CFH: variants seen among roughly 807,000 people sequenced by gnomAD.
The protein encoded by CFH is H factor 1 (complement).
In CFH, 53 loss-of-function variants were observed where a neutral mutation model predicts 147.3. The observed-to-expected ratio is 0.36, with a 90% CI of 0.29 to 0.45. CFH has a LOEUF of 0.45. Among genes scored for constraint, CFH ranks in the 20% least tolerant of loss-of-function variants. The probability of loss-of-function intolerance (pLI) is 1.00; values close to 1 mark genes in which losing one functional copy is unlikely to be tolerated. For synonymous variants in CFH, 536 were observed against 489.4 expected (o/e 1.10, Z -1.26); for missense variants, 1,380 against 1,498.0 (o/e 0.92, Z 1.30).
intron 3 of CFH, among the ~76,000 whole-genome samples, chr1:196,674,384 T>C (rs1180162765): frequency 1.3e-5 from 2 of 152,194 alleles, no homozygotes; most frequent in Non-Finnish European, 2.9e-5. Context: ...CACCTGCTTA[T>C]AAGTTTTACT....
rs577602921 is a variant in CFH at position 196,691,150 on chromosome 1, T to C, written c.1336+911T>C. Among the ~76,000 whole-genome samples the C allele has an allele frequency of 4.3e-4, 65 of 151,996 alleles. 1 individual carries two copies. The highest frequency in any genetic ancestry group is 1.5e-3 in the African/African-American group (62 of 41,358). ...CTAAACAATTTTTTCTCAACTCCTA[T>C]ATCAATATTAATATGTACATTGGAA... On this transcript the variant is annotated intron_variant, in intron 9 of 21. Transcript: ENST00000367429.
chr1:196,705,159 A>C (rs1160674483), intron 9 of CFH, among the ~76,000 whole-genome samples: 1 of 152,150 alleles, frequency 6.6e-6, no homozygotes, highest in African/African-American at 2.4e-5. Flanking sequence ...AGAAGCCAGC[A>C]CAACTATGGC....
At chr1:196,732,958 G>A (rs968038047) in intron 15 of CFH, among the ~76,000 whole-genome samples, 1 of 151,990 alleles carries the variant, frequency 6.6e-6, no homozygotes, top group Non-Finnish European at 1.5e-5. Flanking sequence ...TGCTTGAAAT[G>A]AGTCCATTGT....
chr1:196,682,009 A>G (rs956600617), intron 6 of CFH, among the ~76,000 whole-genome samples: 1 of 151,804 alleles, frequency 6.6e-6, no homozygotes, highest in African/African-American at 2.4e-5. Flanking sequence ...TTAAAGTGAA[A>G]TAATCTACTT....
intron 6 of CFH, among the ~76,000 whole-genome samples, chr1:196,681,263 G>A (rs1265062185): frequency 1.3e-5 from 2 of 151,698 alleles, no homozygotes; most frequent in African/African-American, 4.8e-5. Flanking sequence ...AAGACTCTGG[G>A]AATTTAGTTT....
In CFH at chr1:196,686,212, A is replaced by T. The variant is rs34058609; in HGVS notation, c.964+975A>T. 5.5e-3 allele frequency among the ~76,000 whole-genome samples: 831 copies of T among 152,214 alleles called. 7 individuals carry two copies. The highest frequency in any genetic ancestry group is 0.018 in the African/African-American group (748 of 41,550). ...AATTCAACATGAGATGTGTGTGGGG[A>T]CACAGAGCCAAACCATATCAATTAT... On this transcript the variant is annotated intron_variant, in intron 7 of 21. Transcript: ENST00000367429.
chr1:196,741,147 A>G (rs1002694956), intron 18 of CFH: 2 of 279,900 alleles, frequency 7.1e-6, no homozygotes, highest in Non-Finnish European at 6.9e-6. Flanking sequence ...AATATTTTAA[A>G]AAATCATTAT....
At chr1:196,680,086 C>T (rs192196249) in intron 6 of CFH, among the ~76,000 whole-genome samples, 1 of 151,820 alleles carries the variant, frequency 6.6e-6, no homozygotes, top group East Asian at 1.9e-4. Flanking sequence ...TAATAGACTT[C>T]CTAATTCTCA....
At chr1:196,677,821 A>G in intron 5 of CFH, 154 bp downstream of exon 5, 1 of 698,624 alleles carries the variant, frequency 1.4e-6, no homozygotes, top group South Asian at 1.7e-5. Context: ...AGTTCTTTGC[A>G]TGCATCATTT....
At chr1:196,673,544 G>A (rs1400619166) in intron 2 of CFH, 1 of 382,714 alleles carries the variant, frequency 2.6e-6, no homozygotes, top group Non-Finnish European at 4.9e-6. Context: ...ACCAATGCTG[G>A]GCAGGCTGGT....
chr1:196,693,955 G>GGTGTGTGTGTGTGTGT (rs71567586), intron 9 of CFH, among the ~76,000 whole-genome samples: 112 of 142,754 alleles, frequency 7.8e-4, no homozygotes, highest in African/African-American at 2.5e-3. Context: ...TTAGATAAAT[G>GGTGTGTGTGTGTGTGT]GTGTGTGTGT....
chr1:196,735,330 GTT>G (rs1464053328), intron 15 of CFH, among the ~76,000 whole-genome samples: 5 of 152,024 alleles, frequency 3.3e-5, no homozygotes, highest in African/African-American at 1.2e-4. Context: ...GAAACACTCA[GTT>G]TTTTAATTGC....
intron 11 of CFH, among the ~76,000 whole-genome samples, chr1:196,719,235 C>T (rs1270565444): frequency 6.6e-6 from 1 of 151,976 alleles, no homozygotes; most frequent in African/African-American, 2.4e-5. Context: ...ATAAATACAG[C>T]ATTTGAATAA....
intron 9 of CFH, among the ~76,000 whole-genome samples, chr1:196,704,573 G>A (rs895906215): frequency 7.9e-5 from 12 of 152,192 alleles, no homozygotes; most frequent in African/African-American, 1.9e-4. Flanking sequence ...AGGTTAGTCC[G>A]GAAACATGGG....
intron 11 of CFH, among the ~76,000 whole-genome samples, chr1:196,716,373 C>G (rs1387536782): frequency 1.3e-5 from 2 of 152,046 alleles, no homozygotes; most frequent in Non-Finnish European, 2.9e-5. Context: ...CAGAGTCTAT[C>G]CTGCTGAGGC....
chr1:196,678,635 TACA>T (rs1667538835), intron 5 of CFH: 1 of 152,052 alleles, frequency 6.6e-6, no homozygotes, highest in Non-Finnish European at 1.5e-5. Flanking sequence ...TTTACATCCT[TACA>T]ACTAGATTCC....
intron 10 of CFH, among the ~76,000 whole-genome samples, chr1:196,714,120 A>AAAG (rs1296993528): frequency 1.3e-5 from 2 of 152,080 alleles, no homozygotes; most frequent in East Asian, 3.9e-4. Context: ...GGCTTTTCCT[A>AAAG]CTCTAAAGCA....
At chr1:196,702,538 AAC>A (rs1273552081) in intron 9 of CFH, among the ~76,000 whole-genome samples, 2,095 of 25,440 alleles carry the variant, frequency 0.082, 52 homozygotes, top group African/African-American at 0.21. Flanking sequence ...AAAAAAAAAA[AAC>A]ATCCAAAGCA....
At chr1:196,670,703 G>A (rs1490139242) in intron 1 of CFH, among the ~76,000 whole-genome samples, 1 of 152,004 alleles carries the variant, frequency 6.6e-6, no homozygotes, top group Non-Finnish European at 1.5e-5. Flanking sequence ...TCATAGCTGT[G>A]CAAAAATGGA....
Sources: gnomAD v4.1 joint callset for allele counts (sites outside exome capture counted in the v4.1 genomes callset) on GRCh38, gnomAD v4.1.1 for gene constraint, MANE v1.5 for transcripts, NCBI Gene and HGNC (gene_info 2026-07-23, HGNC 2026-07-21) for gene names.